The following DENND2A variants were observed in gnomAD, a reference collection of about 807,000 sequenced individuals.
DENND2A encodes DENN domain containing 2A, also known as DENN domain-containing protein 2A.
A neutral mutation model predicts 105.3 loss-of-function variants in DENND2A; 53 were observed. The observed-to-expected ratio is 0.50, with a 90% CI of 0.40 to 0.63. The LOEUF (loss-of-function observed/expected upper bound fraction) is 0.63, where lower values mean the gene tolerates loss of function less well. DENND2A is among the 30% of genes least tolerant of loss of function. The pLI is 0.00. For missense variants in DENND2A, 1,138 were observed against 1,279.6 expected (o/e 0.89, Z 1.69); for synonymous variants, 522 against 508.4 (o/e 1.03, Z -0.36).
intron 5 of DENND2A, among the ~76,000 whole-genome samples, chr7:140,579,963 C>A (rs775252322): frequency 1.3e-5 from 2 of 152,062 alleles, no homozygotes; most frequent in Non-Finnish European, 2.9e-5. Context: ...GAAACCCCGT[C>A]TCTACTAAAA....
At chr7:140,631,716 TTA>T (rs1403067481) in intron 1 of DENND2A, among the ~76,000 whole-genome samples, 3 of 151,932 alleles carry the variant, frequency 2.0e-5, no homozygotes, top group African/African-American at 7.3e-5. Flanking sequence ...TGCCAGGGAG[TTA>T]TATTTGGGGT....
Position 140,559,794 on chromosome 7 carries a change from C to G in DENND2A, c.1803G>C (p.Met601Ile), listed in dbSNP as rs1277158726. 6.2e-7 allele frequency: 1 copy of G among 1,613,970 alleles called. No individual in the cohort carries two copies. Among genetic ancestry groups the G allele is most frequent in the African/African-American group, 1.3e-5 (1 of 74,932 alleles). Reference protein sequence around the residue: ...PLKLERSFKFMREAEDQLKAI... With the variant: ...PLKLERSFKFIREAEDQLKAI... ...CCTTCAGTTGGTCCTCAGCTTCTCT[C>G]ATGAACTTGAAAGACCTTTCCAACT... is the stretch of plus-strand genomic sequence containing the variant. Residue 601 changes from methionine to isoleucine, a missense_variant, in exon 10 of 20, where the codon ATG becomes ATC. Around this residue, in one of 2 missense-constraint regions of DENND2A, gnomAD observed 627 missense variants for 779.8 expected, o/e 0.80. Transcript: ENST00000496613. The surrounding 1 kb of genome is among the most constrained non-coding windows in gnomAD (Gnocchi z 4.1).
At chr7:140,608,805 C>T (rs897024863) in intron 1 of DENND2A, among the ~76,000 whole-genome samples, 4 of 152,062 alleles carry the variant, frequency 2.6e-5, no homozygotes, top group African/African-American at 9.7e-5. Context: ...TGAGATAGAA[C>T]CATTTTCCAA....
intron 1 of DENND2A, among the ~76,000 whole-genome samples, chr7:140,636,155 T>C (rs1441251381): frequency 6.6e-6 from 1 of 152,052 alleles, no homozygotes; most frequent in Non-Finnish European, 1.5e-5. Context: ...TGATAGCCAG[T>C]GTTCAGGGCC....
At chr7:140,581,584 T>A (rs1036578722) in intron 5 of DENND2A, among the ~76,000 whole-genome samples, 1 of 152,124 alleles carries the variant, frequency 6.6e-6, no homozygotes, top group Non-Finnish European at 1.5e-5. Context: ...AGATACTCCA[T>A]GAATATTTGA....
chr7:140,518,626 C>T lies in DENND2A; in HGVS notation c.*81G>A. ...TTCCGCACCGTGACAACCTGGGACC[C>T]AGCCTTTCAGAAAGGCCACCAGGAA... is the stretch of plus-strand genomic sequence containing the variant. On this transcript the variant is annotated 3_prime_UTR_variant, in exon 20 of 20. Transcript: ENST00000496613. The T allele has an allele frequency of 6.8e-7, 1 of 1,469,732 alleles. No homozygotes were observed. Among genetic ancestry groups the T allele is most frequent in the Non-Finnish European group, 9.5e-7 (1 of 1,054,402 alleles). The allele number at this position is 1,469,732 out of a possible 1,614,324, so 91.0% of individuals were successfully genotyped here.
intron 14 of DENND2A, among the ~76,000 whole-genome samples, chr7:140,536,814 C>T (rs1180558307): frequency 6.6e-6 from 1 of 152,118 alleles, no homozygotes; most frequent in African/African-American, 2.4e-5. Flanking sequence ...AGGCGCCTGC[C>T]ATCATGCCCA....
intron 10 of DENND2A, 138 bp from the exon 11 acceptor site, chr7:140,558,350 C>T: frequency 1.6e-6 from 1 of 608,044 alleles, no homozygotes; most frequent in South Asian, 1.9e-5. Flanking sequence ...CCCTGTCCCA[C>T]CTGTCCCTGT....
At chr7:140,628,141 T>C (rs537539271) in intron 1 of DENND2A, among the ~76,000 whole-genome samples, 17 of 152,328 alleles carry the variant, frequency 1.1e-4, no homozygotes, top group African/African-American at 4.1e-4. Flanking sequence ...TGTCCTCAAC[T>C]CACCTGCAGG....
At chr7:140,521,478 T>G (rs1795858384) in intron 18 of DENND2A, among the ~76,000 whole-genome samples, 1 of 151,508 alleles carries the variant, frequency 6.6e-6, no homozygotes, top group African/African-American at 2.4e-5. Context: ...GGTTGCACCA[T>G]GTTGTCCAGG....
intron 11 of DENND2A, among the ~76,000 whole-genome samples, chr7:140,556,371 C>T (rs1327937593): frequency 3.3e-5 from 5 of 151,970 alleles, no homozygotes; most frequent in Non-Finnish European, 5.9e-5. Flanking sequence ...CGGAGTCTTG[C>T]TCTGTTGTCC....
chr7:140,638,475 G>C (rs1801037848), intron 1 of DENND2A, among the ~76,000 whole-genome samples: 1 of 152,118 alleles, frequency 6.6e-6, no homozygotes, highest in South Asian at 2.1e-4. Flanking sequence ...TCTGGCCTGG[G>C]TGTTGCAAAA....
chr7:140,537,696 G>A (rs988068872), intron 14 of DENND2A, among the ~76,000 whole-genome samples: 10 of 151,656 alleles, frequency 6.6e-5, no homozygotes, highest in African/African-American at 2.4e-4. Context: ...AAGAGATGGG[G>A]TCTTGCTATG....
intron 12 of DENND2A, among the ~76,000 whole-genome samples, chr7:140,553,805 G>A (rs181141604): frequency 3.9e-5 from 6 of 152,326 alleles, no homozygotes; most frequent in East Asian, 3.9e-4. Context: ...AGAGCACGGC[G>A]TTGGGGGTAA....
intron 3 of DENND2A, among the ~76,000 whole-genome samples, chr7:140,599,905 A>T (rs1388571926): frequency 3.3e-5 from 5 of 151,890 alleles, no homozygotes; most frequent in African/African-American, 9.7e-5. Context: ...TTTTTAGAAG[A>T]CTCCTCTGGC....
intron 14 of DENND2A, among the ~76,000 whole-genome samples, chr7:140,532,467 T>C (rs112413330): frequency 4.9e-4 from 75 of 152,280 alleles, no homozygotes; most frequent in Admixed American, 1.7e-3. Context: ...AAAAATGCAG[T>C]ATTTGTGTTT....
rs775140274 is a variant in DENND2A, at chr7:140,590,895, A to AATAATAATAATAATAAT, written c.996-3116_996-3115insATTATTATTATTATTAT. The stretch of plus-strand genomic sequence containing the variant: ...TTCTGGGGAATAATAATAATAATAA[A>AATAATAATAATAATAAT]AAAAAGGTCAGCCATGCTTTACATT... On this transcript the variant is annotated intron_variant, in intron 3 of 19. Coordinates refer to ENST00000496613, the MANE Select transcript of DENND2A (RefSeq NM_015689.5). Among the ~76,000 whole-genome samples the AATAATAATAATAATAAT allele has an allele frequency of 6.0e-3, 914 of 151,956 alleles. 8 individuals carry two copies. The highest frequency in any genetic ancestry group is 0.02 in the African/African-American group (846 of 41,336).
intron 3 of DENND2A, among the ~76,000 whole-genome samples, chr7:140,590,654 C>T (rs961697579): frequency 2.0e-5 from 3 of 151,978 alleles, no homozygotes; most frequent in Non-Finnish European, 2.9e-5. Context: ...TGCTTGAGGC[C>T]AGGAGTTCAA....
rs773176958 is a variant in DENND2A, at chr7:140,518,679, G to C, written c.*28C>G. Reference sequence around the variant, plus strand: ...GTTTTTAAAGCATAGGGCTGCACTAGGAGGAAGTTTTCCCTTGAGGCTGAG... The same window carrying C: ...GTTTTTAAAGCATAGGGCTGCACTACGAGGAAGTTTTCCCTTGAGGCTGAG... On this transcript the variant is annotated 3_prime_UTR_variant, in exon 20 of 20. Transcript: ENST00000496613. 1.2e-6 allele frequency: 2 copies of C among 1,610,310 alleles called. No individual in the cohort carries two copies. Among genetic ancestry groups the C allele is most frequent in the South Asian group, 2.2e-5 (2 of 90,978 alleles).
Sources: gnomAD v4.1 joint callset for allele counts (sites outside exome capture counted in the v4.1 genomes callset) on GRCh38, gnomAD v4.1.1 for gene constraint, gnomAD v4.1.1 regional missense constraint, Gnocchi (gnomAD v3.1) non-coding constraint, MANE v1.5 for transcripts, NCBI Gene and HGNC (gene_info 2026-07-23, HGNC 2026-07-21) for gene names.